Variants in FANCA observed in about 807,000 individuals in gnomAD.
The protein encoded by FANCA is Fanconi anemia group A protein.
Under a neutral mutation model 194.3 loss-of-function variants are expected in FANCA, and 236 were observed. That is an observed-to-expected ratio of 1.21 (90% confidence interval 1.09 to 1.35). The LOEUF (loss-of-function observed/expected upper bound fraction) is 1.35, where lower values mean the gene tolerates loss of function less well. FANCA is among the 40% of genes most tolerant of loss of function. The pLI, the probability that FANCA is intolerant of heterozygous loss-of-function variation, is 0.00. For missense variants in FANCA, 2,628 were observed against 1,813.9 expected (o/e 1.45, Z -8.15); for synonymous variants, 1,014 against 715.8 (o/e 1.42, Z -6.65).
In FANCA at chr16:89,738,984, A is replaced by G. The variant is rs2151711012; in HGVS notation, c.4168-10T>C. 3 of 1,614,208 alleles carry G rather than the reference A, an allele frequency of 1.9e-6. No individual in the cohort carries two copies. Among genetic ancestry groups the G allele is most frequent in the South Asian group, 1.1e-5 (1 of 91,084 alleles). Reference sequence around the variant, plus strand: ...GTTCCACGGGGTTGCCCTAGAGAGAAAACAGGCAAACTCACAGGTTAGAAG... The same window carrying G: ...GTTCCACGGGGTTGCCCTAGAGAGAGAACAGGCAAACTCACAGGTTAGAAG... On this transcript the variant is annotated splice_polypyrimidine_tract_variant and intron_variant, in intron 41 of 42. Coordinates refer to ENST00000389301, the MANE Select transcript of FANCA (RefSeq NM_000135.4).
In FANCA at chr16:89,791,064, T is replaced by C. The variant is rs1287582992; in HGVS notation, c.1359+339A>G. 2.7e-5 allele frequency: 6 copies of C among 218,698 alleles called. No individual in the cohort carries two copies. The South Asian group carries it at 4.1e-4, about 15-fold the overall frequency. The allele number at this position is 218,698 out of a possible 1,614,324, so 13.5% of individuals were successfully genotyped here. On this transcript the variant is annotated intron_variant, in intron 14 of 42. Transcript: ENST00000389301. ...TTTTTTTTTTGGTGGAGATGAGGTT[T>C]CACTATGGTGTCCAGGCTTGATTTC... is the stretch of plus-strand genomic sequence containing the variant.
chr16:89,765,555 A>T (rs1449882147), intron 27 of FANCA, among the ~76,000 whole-genome samples: 1 of 152,258 alleles, frequency 6.6e-6, no homozygotes, highest in East Asian at 1.9e-4. Context: ...TCCCAGGGGT[A>T]GGGCTGGTTT....
Position 89,738,805 on chromosome 16 carries a change from CCAGG to C in FANCA, c.4260+73_4260+76del, listed in dbSNP as rs754660451. ...AGAAATAGTCGAGTTGTATTGCCAG[CCAGG>C]CAGGCACATGGCCCAGGCAGCTGTC... On this transcript the variant is annotated intron_variant, in intron 42 of 42. Coordinates refer to ENST00000389301, the MANE Select transcript of FANCA (RefSeq NM_000135.4). The C allele has an allele frequency of 1.9e-6, 3 of 1,613,680 alleles. No homozygotes were observed. In the South Asian group the frequency reaches 3.3e-5, roughly 18 times the overall value.
chr16:89,773,687 CG>C (rs1183995057), intron 21 of FANCA, among the ~76,000 whole-genome samples: 6 of 151,922 alleles, frequency 3.9e-5, no homozygotes, highest in Non-Finnish European at 8.8e-5. Flanking sequence ...AGCATACACA[CG>C]GAAGAAAACA....
rs376558078 is a variant in FANCA at position 89,791,913 on chromosome 16, G to T, written c.1225+14C>A. 1.2e-6 allele frequency: 2 copies of T among 1,613,950 alleles called. No individual in the cohort carries two copies. The highest frequency in any genetic ancestry group is 1.7e-6 in the Non-Finnish European group (2 of 1,180,008). On this transcript the variant is annotated intron_variant, in intron 13 of 42. Transcript: ENST00000389301. ...ACTCTTGACCAGCACCACCGGGCTC[G>T]CGTAAAAGCTCACCTTCAAGCAGCT...
Position 89,782,997 on chromosome 16 carries a change from G to C in FANCA, c.1566+10C>G, listed in dbSNP as rs774919321. On this transcript the variant is annotated intron_variant, in intron 16 of 42. Coordinates refer to ENST00000389301, the MANE Select transcript of FANCA (RefSeq NM_000135.4). Reference sequence around the variant, plus strand: ...CAGGTGTGAGGAGTGGGCATGGAGGGACAGCTTGCCTTGAGGTCGGCCAGC... The same window carrying C: ...CAGGTGTGAGGAGTGGGCATGGAGGCACAGCTTGCCTTGAGGTCGGCCAGC... 1.2e-6 allele frequency: 2 copies of C among 1,613,368 alleles called. No individual in the cohort carries two copies. Among genetic ancestry groups the C allele is most frequent in the Non-Finnish European group, 1.7e-6 (2 of 1,179,300 alleles).
chr16:89,787,933 G>C (rs2039951416), intron 14 of FANCA, among the ~76,000 whole-genome samples: 1 of 151,782 alleles, frequency 6.6e-6, no homozygotes, highest in African/African-American at 2.4e-5. Flanking sequence ...GAGTGCAGTG[G>C]TCTGATCTTG....
chr16:89,769,781 A>G, intron 26 of FANCA, 56 bp downstream of exon 26: 1 of 1,584,008 alleles, frequency 6.3e-7, no homozygotes, highest in Non-Finnish European at 8.6e-7. Context: ...TCAAACGAGC[A>G]TGTGTCACTT....
intron 37 of FANCA, among the ~76,000 whole-genome samples, chr16:89,742,581 G>A (rs927396090): frequency 3.3e-5 from 5 of 150,764 alleles, no homozygotes; most frequent in South Asian, 4.2e-4. Flanking sequence ...AGGCCAAGGC[G>A]GGAGGATCAC....
chr16:89,761,490 T>TA (rs202194063), intron 29 of FANCA, among the ~76,000 whole-genome samples: 1,753 of 147,930 alleles, frequency 0.012, 34 homozygotes, highest in Non-Finnish European at 0.019. Flanking sequence ...TTTGCTTTAA[T>TA]AAATCTTGCC....
intron 8 of FANCA, among the ~76,000 whole-genome samples, 190 bp from the exon 9 acceptor site, chr16:89,799,828 C>T (rs1236014983): frequency 1.3e-5 from 2 of 152,160 alleles, no homozygotes; most frequent in Non-Finnish European, 2.9e-5. Context: ...CCCGTCTCTA[C>T]TAAAAATACA....
At chr16:89,805,914 A>C (rs1295391193) in intron 6 of FANCA, among the ~76,000 whole-genome samples, 1 of 149,618 alleles carries the variant, frequency 6.7e-6, no homozygotes, top group Non-Finnish European at 1.5e-5. Context: ...TATGGCCTGA[A>C]CCTTTTTTTT....
At chr16:89,752,666 G>A (rs1231704295) in intron 30 of FANCA, among the ~76,000 whole-genome samples, 1 of 152,138 alleles carries the variant, frequency 6.6e-6, no homozygotes, top group Non-Finnish European at 1.5e-5. Flanking sequence ...GAAAAACCAG[G>A]CCATACAGAG....
At chr16:89,815,257 G>A (rs1341447363) in intron 2 of FANCA, among the ~76,000 whole-genome samples, 1 of 149,040 alleles carries the variant, frequency 6.7e-6, no homozygotes, top group Non-Finnish European at 1.5e-5. Context: ...GGCTGGTCTC[G>A]AACTCCTAAC....
chr16:89,806,181 G>T (rs1280769098), intron 6 of FANCA, among the ~76,000 whole-genome samples: 3 of 152,064 alleles, frequency 2.0e-5, no homozygotes, highest in Admixed American at 6.6e-5. Context: ...CCAAAGTGCT[G>T]GGATTACAGG....
intron 30 of FANCA, among the ~76,000 whole-genome samples, chr16:89,753,622 T>C (rs979533668): frequency 1.9e-4 from 29 of 152,206 alleles, no homozygotes; most frequent in Non-Finnish European, 3.4e-4. Flanking sequence ...GGAAATCTTC[T>C]CAATCTAGTG....
At position 89,738,240 on chromosome 16, in the gene FANCA, C is replaced by T; in HGVS notation, c.*361G>A. 1 of 1,600,742 alleles carries T rather than the reference C, an allele frequency of 6.2e-7. No homozygotes were observed. Among genetic ancestry groups the T allele is most frequent in the Non-Finnish European group, 8.5e-7 (1 of 1,174,354 alleles). On this transcript the variant is annotated 3_prime_UTR_variant, in exon 43 of 43. Coordinates refer to ENST00000389301, the MANE Select transcript of FANCA (RefSeq NM_000135.4). ...AGGGCCAGGCGGTGAAGCCCGAACC[C>T]ACCTGAGGACGGCAGTGAGGATGAG... is the stretch of plus-strand genomic sequence containing the variant.
rs1428885912 is a variant in FANCA at position 89,791,383 on chromosome 16, C to G, written c.1359+20G>C. The G allele has an allele frequency of 6.2e-7, 1 of 1,612,906 alleles. No homozygotes were observed. The highest frequency in any genetic ancestry group is 1.1e-5 in the South Asian group (1 of 90,836). ...TCTGGGAAGATCAGGTATTAGGTAGCCGATTGGCAGGTCACTTACCTTGAA... is the reference window on the plus strand; with the variant it reads ...TCTGGGAAGATCAGGTATTAGGTAGGCGATTGGCAGGTCACTTACCTTGAA... On this transcript the variant is annotated intron_variant, in intron 14 of 42. Coordinates refer to ENST00000389301, the MANE Select transcript of FANCA (RefSeq NM_000135.4).
intron 6 of FANCA, among the ~76,000 whole-genome samples, chr16:89,808,062 A>AAC (rs2040727320): frequency 2.4e-3 from 1 of 422 alleles, no homozygotes; most frequent in African/African-American, 0.016. Context: ...CGTCTCAAAA[A>AAC]AAAAACAGAC....
Sources: gnomAD v4.1 joint callset for allele counts (sites outside exome capture counted in the v4.1 genomes callset) on GRCh38, gnomAD v4.1.1 for gene constraint, MANE v1.5 for transcripts, NCBI Gene and HGNC (gene_info 2026-07-23, HGNC 2026-07-21) for gene names.